NFATC2: variants seen among roughly 807,000 people sequenced by gnomAD.
NFATC2 encodes nuclear factor of activated T cells 2.
A neutral mutation model predicts 87.3 loss-of-function variants in NFATC2; 22 were observed. The ratio of observed to expected loss-of-function variants is 0.25; its 90% CI spans 0.18 to 0.36. The LOEUF (loss-of-function observed/expected upper bound fraction) is 0.36, where lower values mean the gene tolerates loss of function less well. Among genes scored for constraint, NFATC2 ranks in the 10% least tolerant of loss-of-function variants. The pLI is 1.00. For missense variants in NFATC2, 1,149 were observed against 1,259.1 expected (o/e 0.91, Z 1.32); for synonymous variants, 565 against 542.2 (o/e 1.04, Z -0.58).
chr20:51,492,259 G>A (rs890847241), intron 3 of NFATC2, among the ~76,000 whole-genome samples: 4 of 151,442 alleles, frequency 2.6e-5, no homozygotes, highest in Non-Finnish European at 5.9e-5. Flanking sequence ...GCCTCCACCC[G>A]CTGGCACCAC....
intron 1 of NFATC2, among the ~76,000 whole-genome samples, chr20:51,552,364 A>C (rs536580697): frequency 6.6e-6 from 1 of 152,204 alleles, no homozygotes; most frequent in South Asian, 2.1e-4. Context: ...AATTTCTTGC[A>C]TTTTGCTCCC....
chr20:51,446,398 AC>A (rs537286185), intron 6 of NFATC2, among the ~76,000 whole-genome samples: 72 of 151,772 alleles, frequency 4.7e-4, no homozygotes, highest in Admixed American at 1.3e-3. Flanking sequence ...TACACCACCA[AC>A]CCCATCTCAG....
chr20:51,523,800 G>A lies in NFATC2; in HGVS notation c.441C>T (p.Ala147=). 2.5e-6 allele frequency: 4 copies of A among 1,609,320 alleles called. No individual in the cohort carries two copies. The highest frequency in any genetic ancestry group is 1.1e-5 in the South Asian group (1 of 90,850). The change falls in exon 2 of 11, where the codon GCC becomes GCT. Residue 147 remains alanine, a synonymous_variant. Transcript: ENST00000371564. The surrounding 1 kb of genome is among the most constrained non-coding windows in gnomAD (Gnocchi z 6.9). ...GCACGGGCAGGGTGAACCTCGGGCT[G>A]GCGGCCACCCCGGCCAGGGGCGGCT... The part of the protein sequence containing the change: ...VEQPPLAGVA[A]SPRFTLPVPG...
At chr20:51,488,040 G>A (rs190411821) in intron 3 of NFATC2, among the ~76,000 whole-genome samples, 10 of 152,186 alleles carry the variant, frequency 6.6e-5, no homozygotes, top group East Asian at 5.8e-4. Context: ...CAAGGGGCCC[G>A]TTCTTATGTG....
intron 9 of NFATC2, among the ~76,000 whole-genome samples, chr20:51,424,994 A>C (rs567678088): frequency 1.3e-5 from 2 of 152,162 alleles, no homozygotes. Context: ...GCTATGGTAC[A>C]TGAACAGACA....
At chr20:51,466,986 C>T (rs1311372320) in intron 5 of NFATC2, among the ~76,000 whole-genome samples, 1 of 150,052 alleles carries the variant, frequency 6.7e-6, no homozygotes, top group East Asian at 2.0e-4. Flanking sequence ...GCAGGAGAAT[C>T]GCTTCAACCT....
intron 8 of NFATC2, among the ~76,000 whole-genome samples, chr20:51,433,740 CGT>C (rs1381544412): frequency 1.4e-5 from 2 of 145,928 alleles, no homozygotes; most frequent in African/African-American, 5.2e-5. Context: ...TGTGCGCATG[CGT>C]GTGTGTTCAT....
intron 5 of NFATC2, among the ~76,000 whole-genome samples, chr20:51,469,879 C>A (rs1047103258): frequency 6.6e-6 from 1 of 152,212 alleles, no homozygotes; most frequent in Non-Finnish European, 1.5e-5. Flanking sequence ...GCCTCCAGAA[C>A]AGTGAGAGAA....
At chr20:51,553,392 C>T (rs940554283) in intron 1 of NFATC2, among the ~76,000 whole-genome samples, 7 of 152,276 alleles carry the variant, frequency 4.6e-5, no homozygotes, top group Admixed American at 4.6e-4. Context: ...GGAGGGCAGG[C>T]GTGCTGGGCG....
chr20:51,418,951 A>ACCCCCCCCCCCCCCC (rs138137281), intron 9 of NFATC2, among the ~76,000 whole-genome samples: 1 of 145,876 alleles, frequency 6.9e-6, no homozygotes, highest in African/African-American at 2.7e-5. Flanking sequence ...GGCGTGAGCC[A>ACCCCCCCCCCCCCCC]CCCCCACCGC....
chr20:51,409,201 C>T (rs903216184), intron 9 of NFATC2, among the ~76,000 whole-genome samples: 38 of 152,158 alleles, frequency 2.5e-4, no homozygotes, highest in African/African-American at 2.7e-4. Context: ...AGTGTGTGTA[C>T]ACCCTGTGAC....
At chr20:51,400,329 G>A (rs1391627930) in intron 9 of NFATC2, among the ~76,000 whole-genome samples, 1 of 152,184 alleles carries the variant, frequency 6.6e-6, no homozygotes, top group African/African-American at 2.4e-5. Context: ...GCACAGGTCT[G>A]AAGTCACACC....
At chr20:51,488,458 C>T (rs1387016075) in intron 3 of NFATC2, among the ~76,000 whole-genome samples, 1 of 152,150 alleles carries the variant, frequency 6.6e-6, no homozygotes, top group African/African-American at 2.4e-5. Flanking sequence ...CTGGACTCTA[C>T]CCAGTAGGTA....
At chr20:51,527,101 A>G (rs901071060) in intron 1 of NFATC2, among the ~76,000 whole-genome samples, 6 of 151,610 alleles carry the variant, frequency 4.0e-5, no homozygotes, top group Admixed American at 2.6e-4. Flanking sequence ...AGGTCTCACT[A>G]TGTTGCCCAG....
At chr20:51,506,941 C>G (rs1033900801) in intron 3 of NFATC2, among the ~76,000 whole-genome samples, 4 of 152,214 alleles carry the variant, frequency 2.6e-5, no homozygotes, top group Admixed American at 1.3e-4. Flanking sequence ...ACCCTAGGTC[C>G]AGGACTCAGG....
At chr20:51,546,439 A>G (rs1321246736), upstream of NFATC2, among the ~76,000 whole-genome samples, 1 of 152,226 alleles carries the variant, frequency 6.6e-6, no homozygotes, top group Non-Finnish European at 1.5e-5. Flanking sequence ...AGCAGAATGC[A>G]TGAGCTTTAT....
At chr20:51,421,454 C>G (rs535478643) in intron 9 of NFATC2, among the ~76,000 whole-genome samples, 3 of 152,072 alleles carry the variant, frequency 2.0e-5, no homozygotes, top group Non-Finnish European at 4.4e-5. Context: ...CAGATAGGAA[C>G]CCTGAATGAG....
At chr20:51,554,738 C>T (rs1432745350) in intron 1 of NFATC2, among the ~76,000 whole-genome samples, 2 of 152,112 alleles carry the variant, frequency 1.3e-5, no homozygotes, top group African/African-American at 2.4e-5. Context: ...TTGTCTCGCA[C>T]GAGTCTGATA....
intron 1 of NFATC2, among the ~76,000 whole-genome samples, chr20:51,534,549 G>T (rs2076688574): frequency 6.6e-6 from 1 of 152,186 alleles, no homozygotes; most frequent in South Asian, 2.1e-4. Context: ...TGCCCAGGCT[G>T]GTCTCGAACT....
Sources: allele counts gnomAD v4.1 joint callset (sites outside exome capture counted in the v4.1 genomes callset), GRCh38; gene constraint gnomAD v4.1.1; non-coding constraint Gnocchi (gnomAD v3.1); transcripts MANE v1.5; gene names NCBI Gene and HGNC (gene_info 2026-07-23, HGNC 2026-07-21).